The following TENM2 variants were observed in gnomAD, a reference collection of about 807,000 sequenced individuals.
TENM2 encodes the protein teneurin-2.
TENM2 carries 52 observed loss-of-function variants against 245.2 expected under a neutral mutation model. The observed-to-expected ratio is 0.21, with a 90% CI of 0.17 to 0.27. The LOEUF (loss-of-function observed/expected upper bound fraction) is 0.27. Among genes scored for constraint, TENM2 ranks in the 10% least tolerant of loss-of-function variants. The probability of loss-of-function intolerance (pLI) is 1.00; values close to 1 mark genes in which losing one functional copy is unlikely to be tolerated. For synonymous variants in TENM2, 1,363 were observed against 1,438.9 expected, an observed-to-expected ratio of 0.95 and a Z score of 1.19; for missense variants, 3,046 against 3,666.8, an observed-to-expected ratio of 0.83 and a Z score of 4.37.
At chr5:167,894,987 A>AGGG (rs1775087975) in intron 3 of TENM2, among the ~76,000 whole-genome samples, 15 of 127,362 alleles carry the variant, frequency 1.2e-4, no homozygotes, top group Non-Finnish European at 1.5e-4. Flanking sequence ...GGAAGGAAGG[A>AGGG]AGGAGGGAAG....
chr5:167,645,974 A>G (rs1779902159), intron 2 of TENM2, among the ~76,000 whole-genome samples: 1 of 151,694 alleles, frequency 6.6e-6, no homozygotes, highest in South Asian at 2.1e-4. Context: ...TAAAATGAGA[A>G]TAAATATGGA....
intron 2 of TENM2, among the ~76,000 whole-genome samples, chr5:167,784,815 A>T (rs953841086): frequency 3.9e-5 from 6 of 152,214 alleles, no homozygotes; most frequent in Admixed American, 6.5e-5. Flanking sequence ...TCTCATCAGA[A>T]CCTCACACAG....
Position 167,312,331 on chromosome 5 carries a change from A to C in TENM2, c.226+27268A>C, listed in dbSNP as rs1322951177. ...TGTGTTTTAATCAGGTGACCATTAG[A>C]ACAATAAATACAATGCTTTATAGCA... is the stretch of plus-strand genomic sequence containing the variant. On this transcript the variant is annotated intron_variant, in intron 1 of 28. Transcript: ENST00000518659. Among the ~76,000 whole-genome samples, 3 of 152,190 alleles carry C rather than the reference A, an allele frequency of 2.0e-5. No individual in the cohort carries two copies. In the East Asian group the frequency reaches 5.8e-4, roughly 29 times the overall value.
rs979963856 is a variant in TENM2, at chr5:168,089,235, G to A, written c.1516-1339G>A. On this transcript the variant is annotated intron_variant, in intron 7 of 28. Transcript: ENST00000518659. ...AAATGTTCCTCCAAAGTTGTCCCCCGCTTCTCATTCACTGTCCTGATCAAA... is the reference window on the plus strand; with the variant it reads ...AAATGTTCCTCCAAAGTTGTCCCCCACTTCTCATTCACTGTCCTGATCAAA... Among the ~76,000 whole-genome samples the A allele has an allele frequency of 2.6e-5, 4 of 152,194 alleles. No individual in the cohort carries two copies. In the East Asian group the frequency reaches 5.8e-4, roughly 22 times the overall value.
intron 2 of TENM2, among the ~76,000 whole-genome samples, chr5:167,856,943 A>G (rs1771150088): frequency 6.6e-6 from 1 of 152,210 alleles, no homozygotes; most frequent in Non-Finnish European, 1.5e-5. Flanking sequence ...ATTTTTGTCA[A>G]CAAATATTTA....
chr5:167,828,804 C>T (rs983690221), intron 2 of TENM2, among the ~76,000 whole-genome samples: 1 of 152,024 alleles, frequency 6.6e-6, no homozygotes, highest in South Asian at 2.1e-4. Flanking sequence ...GAAATCTGGG[C>T]CCTTTTACAT....
chr5:167,960,183 T>C (rs1561984142), intron 4 of TENM2, among the ~76,000 whole-genome samples: 3 of 152,206 alleles, frequency 2.0e-5, no homozygotes, highest in African/African-American at 4.8e-5. Context: ...AGGGACCTAC[T>C]TGAGGAGGCA....
At chr5:167,239,930 G>A in the TENM2 span, among the ~76,000 whole-genome samples, 1 of 152,054 alleles carries the variant, frequency 6.6e-6, no homozygotes, top group African/African-American at 2.4e-5. Context: ...GCGCCACCAT[G>A]CTCGGCTACT....
At chr5:167,217,750 G>A in the TENM2 span, among the ~76,000 whole-genome samples, 2 of 148,778 alleles carry the variant, frequency 1.3e-5, no homozygotes, top group Non-Finnish European at 3.0e-5. Flanking sequence ...TATGTGATAT[G>A]TGAGACAGAT....
intron 5 of TENM2, among the ~76,000 whole-genome samples, chr5:168,031,707 G>C (rs1027946947): frequency 6.8e-6 from 1 of 146,480 alleles, no homozygotes; most frequent in African/African-American, 2.5e-5. Context: ...AGGGAGGGAG[G>C]GGAGGGAGGA....
At chr5:167,863,629 G>A (rs993349995) in intron 2 of TENM2, among the ~76,000 whole-genome samples, 1 of 152,144 alleles carries the variant, frequency 6.6e-6, no homozygotes, top group African/African-American at 2.4e-5. Context: ...GGGTGACAGA[G>A]TGAGACTCTG....
chr5:167,331,062 C>T (rs1438507381), intron 1 of TENM2, among the ~76,000 whole-genome samples: 4 of 151,376 alleles, frequency 2.6e-5, no homozygotes, highest in South Asian at 2.1e-4. Flanking sequence ...ATGGTAAAAC[C>T]CCGTCTCTAC....
At chr5:167,358,288 G>A (rs888813252) in intron 1 of TENM2, among the ~76,000 whole-genome samples, 5 of 152,060 alleles carry the variant, frequency 3.3e-5, no homozygotes, top group African/African-American at 1.2e-4. Context: ...CTCTTGCCAA[G>A]GTCACCAATG....
chr5:167,735,445 A>G (rs1388672009), intron 2 of TENM2, among the ~76,000 whole-genome samples: 1 of 152,220 alleles, frequency 6.6e-6, no homozygotes, highest in Non-Finnish European at 1.5e-5. Context: ...TGGTAAACAA[A>G]ACCTGTTACA....
At chr5:167,913,776 C>A (rs1405912967) in intron 3 of TENM2, among the ~76,000 whole-genome samples, 2 of 152,212 alleles carry the variant, frequency 1.3e-5, no homozygotes, top group African/African-American at 4.8e-5. Context: ...ACCTAACTGC[C>A]ATTTCTGTCG....
chr5:167,362,602 TG>T (rs1294973792), intron 1 of TENM2, among the ~76,000 whole-genome samples: 2 of 152,172 alleles, frequency 1.3e-5, no homozygotes, highest in African/African-American at 4.8e-5. Context: ...ATAGGCACCT[TG>T]GTGAGTGCTG....
intron 3 of TENM2, among the ~76,000 whole-genome samples, chr5:167,909,142 G>A (rs894128683): frequency 3.3e-5 from 5 of 150,374 alleles, no homozygotes; most frequent in African/African-American, 1.2e-4. Flanking sequence ...TTTTCTAAAG[G>A]AAGAAGAGGA....
intron 2 of TENM2, among the ~76,000 whole-genome samples, chr5:167,535,444 C>T (rs1376460672): frequency 6.6e-6 from 1 of 152,022 alleles, no homozygotes; most frequent in Non-Finnish European, 1.5e-5. Context: ...GGAGAAGACA[C>T]AAAACATGCA....
At chr5:168,232,165 A>G (rs1764989734) in intron 25 of TENM2, 1 of 152,336 alleles carries the variant, frequency 6.6e-6, no homozygotes, top group Non-Finnish European at 1.5e-5. Flanking sequence ...GACAGTAAGG[A>G]GGGTGCTGCA....
Sources: allele counts gnomAD v4.1 joint callset (sites outside exome capture counted in the v4.1 genomes callset), GRCh38; gene constraint gnomAD v4.1.1; transcripts MANE v1.5; gene names NCBI Gene and HGNC (gene_info 2026-07-23, HGNC 2026-07-21).